The following PPFIA2 variants were observed in gnomAD, a reference collection of about 807,000 sequenced individuals.
PPFIA2 encodes the protein liprin-alpha-2.
A neutral mutation model predicts 175.5 loss-of-function variants in PPFIA2; 46 were observed. The observed-to-expected ratio is 0.26, with a 90% CI of 0.21 to 0.34. The LOEUF (loss-of-function observed/expected upper bound fraction) is 0.34. Ranked by LOEUF, PPFIA2 falls within the 10% of genes least tolerant of loss-of-function variation. The pLI, the probability that PPFIA2 is intolerant of heterozygous loss-of-function variation, is 1.00. For synonymous variants in PPFIA2, 568 were observed against 511.4 expected, an observed-to-expected ratio of 1.11 and a Z score of -1.49; for missense variants, 1,179 against 1,506.1, an observed-to-expected ratio of 0.78 and a Z score of 3.60.
At chr12:81,528,292 A>T (rs2063993811) in intron 4 of PPFIA2, among the ~76,000 whole-genome samples, 1 of 152,084 alleles carries the variant, frequency 6.6e-6, no homozygotes, top group Non-Finnish European at 1.5e-5. Context: ...TGATATGGGT[A>T]ACAAGAATTC....
intron 5 of PPFIA2, among the ~76,000 whole-genome samples, chr12:81,454,049 C>A (rs954954815): frequency 8.6e-5 from 13 of 152,012 alleles, no homozygotes; most frequent in African/African-American, 3.1e-4. Context: ...AAAACCCCAT[C>A]TCTACAAAAA....
chr12:81,508,094 G>A lies in PPFIA2; in HGVS notation c.304-50228C>T, dbSNP rs184550180. Among the ~76,000 whole-genome samples, 395 of 152,164 alleles carry A rather than the reference G, an allele frequency of 2.6e-3. 3 individuals carry two copies. The highest frequency in any genetic ancestry group is 4.2e-3 in the Non-Finnish European group (286 of 68,004). The stretch of plus-strand genomic sequence containing the variant: ...ACATTGTATTAAACTTCAGGGTGGG[G>A]CATTAACTTTATTATAGGTACGCAA... On this transcript the variant is annotated intron_variant, in intron 4 of 32. Transcript: ENST00000549396.
intron 3 of PPFIA2, among the ~76,000 whole-genome samples, chr12:81,710,436 A>T (rs1257202240): frequency 6.6e-6 from 1 of 152,086 alleles, no homozygotes; most frequent in Non-Finnish European, 1.5e-5. Context: ...TAAATATTTA[A>T]TCAAGAAGTT....
intron 26 of PPFIA2, among the ~76,000 whole-genome samples, chr12:81,282,059 G>T (rs2042204230): frequency 6.6e-6 from 1 of 151,878 alleles, no homozygotes; most frequent in African/African-American, 2.4e-5. Context: ...AAAGAAGCAG[G>T]ACAGGATCAA....
At position 81,320,222 on chromosome 12, in the gene PPFIA2, C is replaced by T. The variant is rs1023877697; in HGVS notation, c.2642+5555G>A. On this transcript the variant is annotated intron_variant, in intron 22 of 32. Transcript: ENST00000549396. ...AAAGATTAAAAGTGCAGTCTCAAAA[C>T]ACATTAAAGATTACACACTGAAGGA... Among the ~76,000 whole-genome samples, 18 of 151,998 alleles carry T rather than the reference C, an allele frequency of 1.2e-4. 1 individual carries two copies. The highest frequency in any genetic ancestry group is 8.5e-4 in the Admixed American group (13 of 15,248).
chr12:81,381,704 T>C (rs2037745887), intron 9 of PPFIA2, among the ~76,000 whole-genome samples: 5 of 152,152 alleles, frequency 3.3e-5, no homozygotes, highest in Admixed American at 3.3e-4. Flanking sequence ...AAGAGATGCA[T>C]CCATGAACTA....
intron 8 of PPFIA2, among the ~76,000 whole-genome samples, chr12:81,388,828 C>A (rs2039518243): frequency 6.6e-6 from 1 of 151,776 alleles, no homozygotes; most frequent in Non-Finnish European, 1.5e-5. Context: ...CTTTTATTCC[C>A]AGTTCAGTTA....
intron 21 of PPFIA2, among the ~76,000 whole-genome samples, chr12:81,337,697 A>C (rs1921061): frequency 1.3e-5 from 2 of 151,894 alleles, no homozygotes; most frequent in Admixed American, 1.3e-4. Flanking sequence ...ACTAAGATGA[A>C]TATATATGTT....
At chr12:81,404,321 A>T (rs956058581) in intron 8 of PPFIA2, among the ~76,000 whole-genome samples, 1 of 152,190 alleles carries the variant, frequency 6.6e-6, no homozygotes. Flanking sequence ...CTTTTATGAA[A>T]AAGACTAGAT....
At chr12:81,486,543 A>AT (rs2058839752) in intron 4 of PPFIA2, among the ~76,000 whole-genome samples, 1 of 151,850 alleles carries the variant, frequency 6.6e-6, no homozygotes, top group Admixed American at 6.6e-5. Context: ...ACATATGCCA[A>AT]TTTTTTTAAC....
At chr12:81,384,442 T>C (rs2038468343) in intron 8 of PPFIA2, among the ~76,000 whole-genome samples, 198 bp from the exon 9 acceptor site, 1 of 152,100 alleles carries the variant, frequency 6.6e-6, no homozygotes, top group Admixed American at 6.6e-5. Flanking sequence ...GATCAGTAAT[T>C]TTCAAACAGT....
chr12:81,547,462 G>T (rs1454903551), intron 4 of PPFIA2, among the ~76,000 whole-genome samples: 1 of 151,462 alleles, frequency 6.6e-6, no homozygotes, highest in Non-Finnish European at 1.5e-5. Context: ...CGCAACCTCT[G>T]CCTCCCTGGT....
chr12:81,450,911 G>A (rs1284682650), intron 5 of PPFIA2, among the ~76,000 whole-genome samples: 1 of 152,074 alleles, frequency 6.6e-6, no homozygotes, highest in Non-Finnish European at 1.5e-5. Context: ...TTGCTAAGTA[G>A]GAATTCTATC....
At chr12:81,419,207 A>G (rs530607503) in intron 7 of PPFIA2, among the ~76,000 whole-genome samples, 119 of 152,156 alleles carry the variant, frequency 7.8e-4, no homozygotes, top group African/African-American at 2.8e-3. Context: ...TTTGTGCGGT[A>G]GAATTCTGGT....
At chr12:81,678,644 C>T (rs964139391) in intron 3 of PPFIA2, among the ~76,000 whole-genome samples, 2 of 151,976 alleles carry the variant, frequency 1.3e-5, no homozygotes, top group Middle Eastern at 3.4e-3. Flanking sequence ...CTCTCCCATT[C>T]TAGCTACAAA....
At chr12:81,528,814 C>A (rs1178526057) in intron 4 of PPFIA2, among the ~76,000 whole-genome samples, 7 of 151,894 alleles carry the variant, frequency 4.6e-5, no homozygotes, top group Admixed American at 4.6e-4. Context: ...ACCCACACAA[C>A]CGAATCAGCA....
chr12:81,597,330 A>T (rs1312030072), intron 4 of PPFIA2, among the ~76,000 whole-genome samples: 1 of 152,034 alleles, frequency 6.6e-6, no homozygotes, highest in African/African-American at 2.4e-5. Flanking sequence ...ACAGCTTTCT[A>T]ACTCATATTT....
At chr12:81,441,666 C>T (rs1042750374) in intron 6 of PPFIA2, among the ~76,000 whole-genome samples, 3 of 151,982 alleles carry the variant, frequency 2.0e-5, no homozygotes, top group Non-Finnish European at 2.9e-5. Context: ...GCAAATATCC[C>T]GAAGCCATGA....
At chr12:81,644,935 T>A (rs2065850874) in intron 4 of PPFIA2, among the ~76,000 whole-genome samples, 1 of 28,074 alleles carries the variant, frequency 3.6e-5, no homozygotes, top group African/African-American at 1.9e-4. Context: ...TTTAGAGGTT[T>A]TAAAAGTTCA....
Sources: gnomAD v4.1 joint callset for allele counts (sites outside exome capture counted in the v4.1 genomes callset) on GRCh38, gnomAD v4.1.1 for gene constraint, MANE v1.5 for transcripts, NCBI Gene and HGNC (gene_info 2026-07-23, HGNC 2026-07-21) for gene names.